SLC1A2: variants seen among roughly 807,000 people sequenced by gnomAD.
SLC1A2 encodes the protein excitatory amino acid transporter 2.
In SLC1A2, 15 loss-of-function variants were observed where a neutral mutation model predicts 48.8. The ratio of observed to expected loss-of-function variants is 0.31; its 90% CI spans 0.21 to 0.47. The LOEUF is 0.47. Among genes scored for constraint, SLC1A2 ranks in the 20% least tolerant of loss-of-function variants. The pLI is 0.99. For missense variants in SLC1A2, 502 were observed against 730.5 expected (o/e 0.69, Z 3.61); for synonymous variants, 279 against 272.6 (o/e 1.02, Z -0.23).
intron 8 of SLC1A2, among the ~76,000 whole-genome samples, chr11:35,283,008 G>C (rs1375196773): frequency 6.9e-6 from 1 of 145,764 alleles, no homozygotes; most frequent in African/African-American, 2.8e-5. Flanking sequence ...CCTGGAAGCT[G>C]TTAAGATACT....
intron 1 of SLC1A2, among the ~76,000 whole-genome samples, chr11:35,392,514 A>T (rs1590266580): frequency 6.6e-6 from 1 of 152,214 alleles, no homozygotes; most frequent in Non-Finnish European, 1.5e-5. Flanking sequence ...ACTATTGGGA[A>T]TTCCCAGAGT....
In SLC1A2 at chr11:35,372,859, C is replaced by T. The variant is rs542317805; in HGVS notation, c.17+46091G>A. 3.9e-5 allele frequency among the ~76,000 whole-genome samples: 6 copies of T among 152,268 alleles called. No individual in the cohort carries two copies. In the East Asian group the frequency reaches 9.6e-4, roughly 24 times the overall value. ...TCTAAGCCCTTCATTTAGATTAATTCATTTAATCCTTAAAATAAGTTTGTG... is the reference window on the plus strand; with the variant it reads ...TCTAAGCCCTTCATTTAGATTAATTTATTTAATCCTTAAAATAAGTTTGTG... On this transcript the variant is annotated intron_variant, in intron 1 of 10. Transcript: ENST00000278379.
In SLC1A2 at chr11:35,297,014, G is replaced by A. The variant is rs79593272; in HGVS notation, c.858-4494C>T. Among the ~76,000 whole-genome samples, 338 of 151,754 alleles carry A rather than the reference G, an allele frequency of 2.2e-3. 6 individuals carry two copies. The highest frequency in any genetic ancestry group is 2.5e-3 in the East Asian group (13 of 5,168). ...AGTACCTAAAATCATTGCCTGCACA[G>A]AATAGAATATTTATTGAATGAAAAA... On this transcript the variant is annotated intron_variant, in intron 6 of 10. Coordinates refer to ENST00000278379, the MANE Select transcript of SLC1A2 (RefSeq NM_004171.4).
intron 8 of SLC1A2, among the ~76,000 whole-genome samples, chr11:35,281,363 G>A (rs536268748): frequency 1.2e-4 from 19 of 152,290 alleles, no homozygotes; most frequent in African/African-American, 4.1e-4. Flanking sequence ...CCTCCCATGG[G>A]AACACAACTG....
intron 1 of SLC1A2, among the ~76,000 whole-genome samples, chr11:35,360,440 C>T (rs1171977190): frequency 6.6e-6 from 1 of 152,200 alleles, no homozygotes; most frequent in Non-Finnish European, 1.5e-5. Context: ...ATGACCTTCC[C>T]TGGGTGCCTA....
At position 35,287,053 on chromosome 11, in the gene SLC1A2, TG is replaced by T. The variant is rs1187696783; in HGVS notation, c.1092-103del. On this transcript the variant is annotated intron_variant, in intron 7 of 10. Transcript: ENST00000278379. ...ACTGCATCCTTAGTTTTTCTTGTTT[TG>T]TGTCAATCAAGCAATGTGACATGCA... is the stretch of plus-strand genomic sequence containing the variant. The T allele has an allele frequency of 4.3e-6, 4 of 934,066 alleles. No individual in the cohort carries two copies. The African/African-American group carries it at 6.6e-5, about 15-fold the overall frequency. The allele number at this position is 934,066 out of a possible 1,614,324, so 57.9% of individuals were successfully genotyped here. A position where few individuals can be genotyped will look rare whatever the true frequency, so the allele number is the denominator to read the frequency against.
chr11:35,322,679 C>T (rs1428193496), intron 1 of SLC1A2: 13 of 1,514,038 alleles, frequency 8.6e-6, no homozygotes, highest in Non-Finnish European at 1.1e-5. Context: ...ACTAGGTCAC[C>T]CTAGAATCAA....
At chr11:35,323,034 A>G (rs904412271) in intron 1 of SLC1A2, 1 of 453,998 alleles carries the variant, frequency 2.2e-6, no homozygotes, top group Non-Finnish European at 3.9e-6. Flanking sequence ...AGATCCTGCA[A>G]ATGAAACTTA....
intron 1 of SLC1A2, among the ~76,000 whole-genome samples, chr11:35,328,087 T>C (rs1369356152): frequency 1.3e-5 from 2 of 152,182 alleles, no homozygotes; most frequent in Non-Finnish European, 2.9e-5. Flanking sequence ...AGCTATGGCC[T>C]TGTTGTCTGT....
chr11:35,419,165 C>T lies in SLC1A2; in HGVS notation c.-199G>A, dbSNP rs1855705164. 6 of 473,304 alleles carry T rather than the reference C, an allele frequency of 1.3e-5. No homozygotes were observed. The highest frequency in any genetic ancestry group is 2.2e-5 in the Non-Finnish European group (6 of 267,968). 29.3% of individuals were successfully genotyped at this position (473,304 alleles called of 1,614,324 possible). A position where few individuals can be genotyped will look rare whatever the true frequency, so the allele number is the denominator to read the frequency against. The stretch of plus-strand genomic sequence containing the variant: ...GGCTCCTGCGGGCGCTAATCCGCGT[C>T]CCGGCTCTCCACGGCGCGCGACCCG... On this transcript the variant is annotated 5_prime_UTR_variant, in exon 1 of 11. Coordinates refer to ENST00000278379, the MANE Select transcript of SLC1A2 (RefSeq NM_004171.4). The surrounding 1 kb of genome is among the most constrained non-coding windows in gnomAD (Gnocchi z 5.4).
chr11:35,280,829 C>T (rs865843494), intron 9 of SLC1A2, 38 bp downstream of exon 9: 1 of 1,485,942 alleles, frequency 6.7e-7, no homozygotes, highest in Non-Finnish European at 9.2e-7. Flanking sequence ...GGAGGCAGTA[C>T]TCACAGTCCC....
intron 9 of SLC1A2, among the ~76,000 whole-genome samples, chr11:35,269,290 C>T (rs1473664870): frequency 6.6e-6 from 1 of 152,174 alleles, no homozygotes; most frequent in Non-Finnish European, 1.5e-5. Context: ...TGTTTATACG[C>T]CACCTACCTG....
chr11:35,292,392 C>A lies in SLC1A2; in HGVS notation c.986G>T (p.Gly329Val), dbSNP rs747003668. 1.2e-6 allele frequency: 2 copies of A among 1,613,672 alleles called. No homozygotes were observed. The highest frequency in any genetic ancestry group is 1.1e-5 in the South Asian group (1 of 91,082). ...TVIIGLIIHG[G>V]IFLPLIYFVV... Reference sequence around the variant, plus strand: ...AAAGTAAATCAAGGGGAGAAAGATGCCCCCGTGGATGATGAGGCCTATGAT... The same window carrying A: ...AAAGTAAATCAAGGGGAGAAAGATGACCCCGTGGATGATGAGGCCTATGAT... The change falls in exon 7 of 11, where the codon GGC becomes GTC. Residue 329 changes from glycine (G) to valine (V), a missense_variant. Coordinates refer to ENST00000278379, the MANE Select transcript of SLC1A2 (RefSeq NM_004171.4).
intron 9 of SLC1A2, among the ~76,000 whole-genome samples, chr11:35,266,230 A>G (rs903705377): frequency 2.6e-5 from 4 of 152,212 alleles, no homozygotes; most frequent in Non-Finnish European, 4.4e-5. Flanking sequence ...TGAAAAACTT[A>G]CCATCTGTGA....
chr11:35,410,890 C>T lies in SLC1A2; in HGVS notation c.17+8060G>A, dbSNP rs367860684. 1.1e-4 allele frequency among the ~76,000 whole-genome samples: 17 copies of T among 152,246 alleles called. No individual in the cohort carries two copies. In the South Asian group the frequency reaches 3.3e-3, roughly 30 times the overall value. On this transcript the variant is annotated intron_variant, in intron 1 of 10. Transcript: ENST00000278379. ...TTCATAAGGATTTACGCTGAAAGCT[C>T]CTCCCAATAAATTCCATGCACACAA...
intron 1 of SLC1A2, among the ~76,000 whole-genome samples, chr11:35,373,077 T>C (rs1429004735): frequency 1.3e-5 from 2 of 152,138 alleles, no homozygotes; most frequent in East Asian, 3.8e-4. Flanking sequence ...AACCCAGGGA[T>C]CCACATTTCA....
At chr11:35,363,854 G>A (rs961838622) in intron 1 of SLC1A2, among the ~76,000 whole-genome samples, 3 of 152,102 alleles carry the variant, frequency 2.0e-5, no homozygotes, top group Non-Finnish European at 4.4e-5. Context: ...TCACTGATTG[G>A]TTCTCATTCA....
chr11:35,292,549 T>C (rs774951320), intron 6 of SLC1A2, 29 bp from the exon 7 acceptor site: 6 of 1,440,046 alleles, frequency 4.2e-6, no homozygotes, highest in Non-Finnish European at 5.9e-6. Flanking sequence ...AAAAACAGCA[T>C]TGAAGAGATC....
chr11:35,374,838 AGATAT>A (rs1365637273), intron 1 of SLC1A2, among the ~76,000 whole-genome samples: 1 of 152,192 alleles, frequency 6.6e-6, no homozygotes, highest in Admixed American at 6.5e-5. Context: ...TGTGTCATTA[AGATAT>A]ATCTATATAT....
Sources: allele counts gnomAD v4.1 joint callset (sites outside exome capture counted in the v4.1 genomes callset), GRCh38; gene constraint gnomAD v4.1.1; non-coding constraint Gnocchi (gnomAD v3.1); transcripts MANE v1.5; gene names NCBI Gene and HGNC (gene_info 2026-07-23, HGNC 2026-07-21).